TAB2: variants seen among roughly 807,000 people sequenced by gnomAD.
TAB2 encodes the protein TGF-beta activated kinase 1 (MAP3K7) binding protein 2, also known as TGF-beta-activated kinase 1 and MAP3K7-binding protein 2.
TAB2 carries 3 observed loss-of-function variants against 65.0 expected under a neutral mutation model. That is an observed-to-expected ratio of 0.05 (90% CI 0.02 to 0.12). TAB2 has a LOEUF of 0.12. Ranked by LOEUF, TAB2 falls within the 10% of genes least tolerant of loss-of-function variation. The pLI is 1.00. For synonymous variants in TAB2, 298 were observed against 285.1 expected, an observed-to-expected ratio of 1.05 and a Z score of -0.46; for missense variants, 623 against 840.3, an observed-to-expected ratio of 0.74 and a Z score of 3.20.
At chr6:149,289,545 A>G (rs1434348736) in intron 1 of TAB2, among the ~76,000 whole-genome samples, 1 of 152,190 alleles carries the variant, frequency 6.6e-6, no homozygotes, top group Non-Finnish European at 1.5e-5. Context: ...CACGTGGAGA[A>G]TCACAGTCCT....
chr6:149,242,763 G>C (rs79304358), intron 1 of TAB2, among the ~76,000 whole-genome samples: 8,086 of 152,200 alleles, frequency 0.053, 704 homozygotes, highest in African/African-American at 0.18. Context: ...ATGGCCGCCC[G>C]TCTCTTCTCT....
intron 1 of TAB2, chr6:149,346,540 G>A (rs4493763): frequency 0.25 from 34,964 of 139,314 alleles, 4,294 homozygotes; most frequent in Middle Eastern, 0.27. Context: ...TGCAACCTCC[G>A]CCTCCCGAGT....
intron 1 of TAB2, among the ~76,000 whole-genome samples, chr6:149,262,526 C>T (rs1327152173): frequency 2.1e-5 from 3 of 145,116 alleles, no homozygotes; most frequent in South Asian, 4.3e-4. Context: ...GAGTGAAACT[C>T]GGTCTAAAAA....
intron 1 of TAB2, among the ~76,000 whole-genome samples, chr6:149,224,555 G>A (rs1374160398): frequency 6.6e-6 from 1 of 152,134 alleles, no homozygotes; most frequent in Non-Finnish European, 1.5e-5. Context: ...ATAACTTGTG[G>A]CACCACTTAC....
intron 3 of TAB2, among the ~76,000 whole-genome samples, chr6:149,380,467 G>A (rs1035705585): frequency 3.6e-5 from 4 of 110,314 alleles, no homozygotes; most frequent in African/African-American, 1.4e-4. Context: ...ATCCTTTTCT[G>A]AAATAGACTA....
At chr6:149,388,497 C>T (rs1781874927) in intron 3 of TAB2, among the ~76,000 whole-genome samples, 2 of 152,218 alleles carry the variant, frequency 1.3e-5, no homozygotes, top group Non-Finnish European at 2.9e-5. Flanking sequence ...TGCTCCCATA[C>T]TTACAAATGG....
intron 2 of TAB2, among the ~76,000 whole-genome samples, chr6:149,374,502 G>T (rs1007274465): frequency 3.3e-5 from 5 of 152,184 alleles, no homozygotes; most frequent in Non-Finnish European, 5.9e-5. Context: ...GATTACAGGG[G>T]TGAGCCACTG....
At chr6:149,340,190 G>A (rs11961639) in intron 1 of TAB2, among the ~76,000 whole-genome samples, 3,365 of 152,298 alleles carry the variant, frequency 0.022, 112 homozygotes, top group African/African-American at 0.076. Flanking sequence ...AGATTATGCT[G>A]TGAGTGTAAA....
At chr6:149,270,232 G>A (rs959993304) in intron 1 of TAB2, among the ~76,000 whole-genome samples, 2 of 152,182 alleles carry the variant, frequency 1.3e-5, no homozygotes, top group African/African-American at 4.8e-5. Flanking sequence ...TGCCATCCAT[G>A]TAGCTTCTTT....
chr6:149,263,820 C>T (rs983022474), intron 1 of TAB2, among the ~76,000 whole-genome samples: 2 of 152,322 alleles, frequency 1.3e-5, no homozygotes, highest in East Asian at 1.9e-4. Context: ...CCAAGCATTC[C>T]GTAGCAGACA....
intron 3 of TAB2, among the ~76,000 whole-genome samples, chr6:149,391,538 G>C (rs1781984566): frequency 1.3e-5 from 2 of 151,820 alleles, no homozygotes; most frequent in African/African-American, 4.8e-5. Context: ...TGTCTTTCTT[G>C]GGGGTATCAG....
chr6:149,350,410 C>G (rs994287303), intron 1 of TAB2, among the ~76,000 whole-genome samples: 1 of 152,080 alleles, frequency 6.6e-6, no homozygotes, highest in Non-Finnish European at 1.5e-5. Context: ...CTGTCCAATT[C>G]AGGATTTTAT....
At chr6:149,270,990 A>G (rs1012726333) in intron 1 of TAB2, among the ~76,000 whole-genome samples, 6 of 152,076 alleles carry the variant, frequency 3.9e-5, no homozygotes, top group Admixed American at 6.6e-5. Context: ...GAAAGCCCTG[A>G]AGTTGGAATG....
At chr6:149,228,800 A>G (rs1273016563) in intron 1 of TAB2, among the ~76,000 whole-genome samples, 2 of 152,268 alleles carry the variant, frequency 1.3e-5, no homozygotes, top group South Asian at 2.1e-4. Context: ...TGGGCCTGTA[A>G]GAACCACAGG....
At chr6:149,351,900 T>G (rs1313874614) in intron 1 of TAB2, among the ~76,000 whole-genome samples, 1 of 152,224 alleles carries the variant, frequency 6.6e-6, no homozygotes, top group Non-Finnish European at 1.5e-5. Flanking sequence ...TTTAAACTAT[T>G]AACATGTTCT....
intron 1 of TAB2, among the ~76,000 whole-genome samples, chr6:149,296,947 T>A (rs1694180634): frequency 6.6e-6 from 1 of 152,188 alleles, no homozygotes; most frequent in African/African-American, 2.4e-5. Flanking sequence ...TTTCGAAAAA[T>A]TTTAGACCAT....
intron 6 of TAB2, among the ~76,000 whole-genome samples, chr6:149,408,190 T>G (rs951526852): frequency 2.6e-5 from 4 of 152,222 alleles, no homozygotes; most frequent in African/African-American, 9.6e-5. Flanking sequence ...TTTCAGTTGT[T>G]TCAGGGCATA....
In TAB2 at chr6:149,326,768, G is replaced by A. The variant is rs913052251; in HGVS notation, c.-90+8753G>A. Among the ~76,000 whole-genome samples, 9 of 152,166 alleles carry A rather than the reference G, an allele frequency of 5.9e-5. No individual in the cohort carries two copies. The South Asian group carries it at 1.2e-3, about 21-fold the overall frequency. On this transcript the variant is annotated intron_variant, in intron 1 of 6. Transcript: ENST00000637181. ...TCACCATGTTGGCCAGGCTGGTCTC[G>A]AACTCCTGACCTCAGGTGATCCACC...
intron 1 of TAB2, among the ~76,000 whole-genome samples, chr6:149,345,085 C>G (rs1229509836): frequency 6.6e-6 from 1 of 152,016 alleles, no homozygotes; most frequent in Non-Finnish European, 1.5e-5. Context: ...TACCTCTTTC[C>G]TTTAATTAAT....
Sources: allele counts gnomAD v4.1 joint callset (sites outside exome capture counted in the v4.1 genomes callset), GRCh38; gene constraint gnomAD v4.1.1; transcripts MANE v1.5; gene names NCBI Gene and HGNC (gene_info 2026-07-23, HGNC 2026-07-21).